Variants in SENP2 observed in about 807,000 individuals in gnomAD.
The protein encoded by SENP2 is SUMO specific peptidase 2.
A neutral mutation model predicts 86.3 loss-of-function variants in SENP2; 16 were observed. That is an observed-to-expected ratio of 0.19 (90% CI 0.13 to 0.28). The LOEUF (loss-of-function observed/expected upper bound fraction) is 0.28. Among genes scored for constraint, SENP2 ranks in the 10% least tolerant of loss-of-function variants. The probability of loss-of-function intolerance (pLI) is 1.00; values close to 1 mark genes in which losing one functional copy is unlikely to be tolerated. For missense variants in SENP2, 552 were observed against 703.0 expected (o/e 0.79, Z 2.43); for synonymous variants, 222 against 238.7 (o/e 0.93, Z 0.64).
At position 185,631,325 on chromosome 3, in the gene SENP2, G is replaced by A; in HGVS notation, c.*1481G>A. 6.6e-6 allele frequency: 1 copy of A among 152,180 alleles called. No homozygotes were observed. 9.4% of individuals were successfully genotyped at this position (152,180 alleles called of 1,614,324 possible). On this transcript the variant is annotated 3_prime_UTR_variant, in exon 17 of 17. Transcript: ENST00000296257. ...GTAAAACTCCTGGTTTAGGACATGG[G>A]GCCTGTGGTGTGGATGGAAAATGCT...
intron 2 of SENP2, among the ~76,000 whole-genome samples, chr3:185,592,343 G>T (rs1348835709): frequency 6.6e-6 from 1 of 151,972 alleles, no homozygotes; most frequent in African/African-American, 2.4e-5. Flanking sequence ...ATGAGCCACT[G>T]TGCCCAGCCA....
chr3:185,591,733 T>C (rs1182457908), intron 2 of SENP2, among the ~76,000 whole-genome samples: 1 of 151,606 alleles, frequency 6.6e-6, no homozygotes, highest in Non-Finnish European at 1.5e-5. Context: ...ACCCATCTTT[T>C]CTATTTTTTT....
chr3:185,623,048 C>G lies in SENP2; in HGVS notation c.1527-950C>G, dbSNP rs555769063. On this transcript the variant is annotated intron_variant, in intron 14 of 16. Transcript: ENST00000296257. ...ATCATGCTGGTCTTGAACTCCCAAC[C>G]TCAGGTGATCCGCCCGCCCCAGCCT... Among the ~76,000 whole-genome samples the G allele has an allele frequency of 1.7e-4, 26 of 152,132 alleles. 1 individual carries two copies. The South Asian group carries it at 5.4e-3, about 32-fold the overall frequency.
At chr3:185,628,267 G>A (rs2148997019) in intron 16 of SENP2, among the ~76,000 whole-genome samples, 1 of 151,990 alleles carries the variant, frequency 6.6e-6, no homozygotes, top group East Asian at 2.0e-4. Context: ...CTCCCCAGTA[G>A]CTGGGACTAC....
At chr3:185,593,078 G>A (rs1033102803) in intron 2 of SENP2, among the ~76,000 whole-genome samples, 28 of 152,154 alleles carry the variant, frequency 1.8e-4, no homozygotes, top group African/African-American at 5.5e-4. Flanking sequence ...AAATGTTTGC[G>A]GGAGTTAGTA....
chr3:185,599,983 G>A (rs183124901), intron 4 of SENP2, among the ~76,000 whole-genome samples: 2 of 152,110 alleles, frequency 1.3e-5, no homozygotes, highest in Admixed American at 1.3e-4. Context: ...TTTTAGTAGA[G>A]ACTGGGTTTC....
chr3:185,620,269 G>T (rs1174200343), intron 13 of SENP2, among the ~76,000 whole-genome samples: 2 of 151,892 alleles, frequency 1.3e-5, no homozygotes, highest in African/African-American at 2.4e-5. Flanking sequence ...AGAGACAAGA[G>T]TCTTGTTTTT....
chr3:185,631,902 C>A lies in SENP2; in HGVS notation c.*2058C>A, dbSNP rs1712496632. 6.6e-6 allele frequency: 1 copy of A among 151,448 alleles called. No individual in the cohort carries two copies. Among genetic ancestry groups the A allele is most frequent in the Non-Finnish European group, 1.5e-5 (1 of 67,964 alleles). The allele number at this position is 151,448 out of a possible 1,614,324, so 9.4% of individuals were successfully genotyped here. ...AGGGGCTTCTTCAGAGCAGTTCTCA[C>A]TGAGCTTTCCATTAACCTACACTCT... On this transcript the variant is annotated 3_prime_UTR_variant, in exon 17 of 17. Coordinates refer to ENST00000296257, the MANE Select transcript of SENP2 (RefSeq NM_021627.3).
At position 185,607,289 on chromosome 3, in the gene SENP2, A is replaced by G. The variant is rs113997110; in HGVS notation, c.618+791A>G. On this transcript the variant is annotated intron_variant, in intron 6 of 16. Coordinates refer to ENST00000296257, the MANE Select transcript of SENP2 (RefSeq NM_021627.3). Reference sequence around the variant, plus strand: ...ATTTTTATTATAAGGAAGAAGAAAGAGTCATATTAGGAAGAGATAAGATTA... The same window carrying G: ...ATTTTTATTATAAGGAAGAAGAAAGGGTCATATTAGGAAGAGATAAGATTA... 3.3e-3 allele frequency among the ~76,000 whole-genome samples: 478 copies of G among 146,056 alleles called. 5 individuals are homozygous for G. Among genetic ancestry groups the G allele is most frequent in the African/African-American group, 0.011 (454 of 39,960 alleles).
Position 185,606,539 on chromosome 3 carries a change from A to G in SENP2, c.618+41A>G, listed in dbSNP as rs199712543. ...TTGATTTCTTTAAAAAAAATTTTAC[A>G]GCTCTTCCCAAGGATGCTGCCTAGA... is the stretch of plus-strand genomic sequence containing the variant. On this transcript the variant is annotated intron_variant, in intron 6 of 16. Coordinates refer to ENST00000296257, the MANE Select transcript of SENP2 (RefSeq NM_021627.3). 43 of 1,499,026 alleles carry G rather than the reference A, an allele frequency of 2.9e-5. 1 individual carries two copies. The Admixed American group carries it at 9.4e-4, about 33-fold the overall frequency. 92.9% of individuals were successfully genotyped at this position (1,499,026 alleles called of 1,614,324 possible).
chr3:185,587,732 A>ATTT (rs59565990), intron 1 of SENP2, among the ~76,000 whole-genome samples: 7 of 73,012 alleles, frequency 9.6e-5, no homozygotes, highest in South Asian at 6.1e-4. Flanking sequence ...ATGCCCGGCT[A>ATTT]TTTTTTTTTT....
chr3:185,606,679 G>A (rs1384576025), intron 6 of SENP2, 181 bp downstream of exon 6: 4 of 585,338 alleles, frequency 6.8e-6, no homozygotes, highest in Non-Finnish European at 1.2e-5. Flanking sequence ...CATGCAGCAT[G>A]TGCCCAGGCA....
intron 5 of SENP2, among the ~76,000 whole-genome samples, chr3:185,603,269 C>T (rs1407556007): frequency 6.6e-6 from 1 of 152,134 alleles, no homozygotes; most frequent in Non-Finnish European, 1.5e-5. Context: ...ACTGACACCA[C>T]CTTAACCAAA....
chr3:185,592,676 G>A (rs984835627), intron 2 of SENP2, among the ~76,000 whole-genome samples: 3 of 151,434 alleles, frequency 2.0e-5, no homozygotes, highest in African/African-American at 7.3e-5. Flanking sequence ...GAGTGCAATG[G>A]CACATTCTCG....
At chr3:185,624,859 C>T (rs1401120889) in intron 15 of SENP2, among the ~76,000 whole-genome samples, 6 of 143,540 alleles carry the variant, frequency 4.2e-5, no homozygotes, top group African/African-American at 1.5e-4. Flanking sequence ...CAGAGCGAGA[C>T]TGTCTCAAAA....
At chr3:185,626,610 T>G (rs1712158003) in intron 16 of SENP2, among the ~76,000 whole-genome samples, 1 of 150,184 alleles carries the variant, frequency 6.7e-6, no homozygotes, top group Non-Finnish European at 1.5e-5. Flanking sequence ...CCATCTCTAC[T>G]AAAAATACAA....
chr3:185,591,143 G>A (rs1451348046), intron 2 of SENP2, among the ~76,000 whole-genome samples: 3 of 151,300 alleles, frequency 2.0e-5, no homozygotes, highest in African/African-American at 7.3e-5. Flanking sequence ...CTGACCTCGT[G>A]ATCTGCCCGC....
intron 1 of SENP2, among the ~76,000 whole-genome samples, chr3:185,587,584 T>TTTTTTTTTTTTTTTTTTA (rs1560186545): frequency 1.3e-5 from 2 of 149,680 alleles, no homozygotes; most frequent in Non-Finnish European, 1.5e-5. Context: ...TTTTTTTTTT[T>TTTTTTTTTTTTTTTTTTA]GAGAAGGAGT....
intron 4 of SENP2, among the ~76,000 whole-genome samples, chr3:185,599,635 TG>T (rs1722280278): frequency 1.3e-5 from 2 of 152,078 alleles, no homozygotes; most frequent in African/African-American, 4.8e-5. Flanking sequence ...TTAGAGAAGT[TG>T]TAGGTTTAAA....
Sources: gnomAD v4.1 joint callset for allele counts (sites outside exome capture counted in the v4.1 genomes callset) on GRCh38, gnomAD v4.1.1 for gene constraint, MANE v1.5 for transcripts, NCBI Gene and HGNC (gene_info 2026-07-23, HGNC 2026-07-21) for gene names.